RERE: variants seen among roughly 807,000 people sequenced by gnomAD.
RERE encodes arginine-glutamic acid dipeptide repeats protein.
A neutral mutation model predicts 146.1 loss-of-function variants in RERE; 40 were observed. That is an observed-to-expected ratio of 0.27 (90% confidence interval 0.21 to 0.36). The LOEUF (loss-of-function observed/expected upper bound fraction) is 0.36, where lower values mean the gene tolerates loss of function less well. Among genes scored for constraint, RERE ranks in the 10% least tolerant of loss-of-function variants. The probability of loss-of-function intolerance (pLI) is 1.00; values close to 1 mark genes in which losing one functional copy is unlikely to be tolerated. For missense variants in RERE, 1,933 were observed against 2,138.7 expected, an observed-to-expected ratio of 0.90 and a Z score of 1.90; for synonymous variants, 1,003 against 866.0, an observed-to-expected ratio of 1.16 and a Z score of -2.78.
chr1:8,664,268 C>A (rs1373350211), intron 1 of RERE, among the ~76,000 whole-genome samples: 1 of 152,172 alleles, frequency 6.6e-6, no homozygotes, highest in African/African-American at 2.4e-5. Context: ...TTTCTAGACA[C>A]GATCCTCTCC....
chr1:8,505,888 C>T (rs529755355), intron 8 of RERE, among the ~76,000 whole-genome samples: 1 of 151,972 alleles, frequency 6.6e-6, no homozygotes. Context: ...TTTGGTGCTC[C>T]AAAACATTTC....
intron 4 of RERE, among the ~76,000 whole-genome samples, chr1:8,601,816 C>T (rs550104140): frequency 1.3e-5 from 2 of 151,700 alleles, no homozygotes; most frequent in South Asian, 4.2e-4. Flanking sequence ...TAGAGAGAAC[C>T]GAAGGCATTT....
chr1:8,551,727 T>C (rs755104285), intron 6 of RERE, among the ~76,000 whole-genome samples: 2 of 152,182 alleles, frequency 1.3e-5, no homozygotes, highest in Non-Finnish European at 2.9e-5. Flanking sequence ...TGGAACCAGA[T>C]GTGTGTGTTT....
intron 11 of RERE, among the ~76,000 whole-genome samples, chr1:8,450,545 G>T (rs1056245864): frequency 6.6e-6 from 1 of 151,990 alleles, no homozygotes; most frequent in Non-Finnish European, 1.5e-5. Flanking sequence ...TGCCTCGCAC[G>T]ACGTCCCCTA....
intron 11 of RERE, 157 bp downstream of exon 11, chr1:8,465,768 G>A (rs1317578871): frequency 1.4e-6 from 1 of 698,124 alleles, no homozygotes; most frequent in Non-Finnish European, 2.6e-6. Flanking sequence ...GTACAATTAA[G>A]GGGCTGAAGG....
At position 8,360,787 on chromosome 1, in the gene RERE, A is replaced by G. The variant is rs769674978; in HGVS notation, c.2720T>C (p.Leu907Pro). 63 of 1,590,172 alleles carry G rather than the reference A, an allele frequency of 4.0e-5. No homozygotes were observed. The highest frequency in any genetic ancestry group is 3.4e-4 in the Middle Eastern group (2 of 5,816). ...SLQLPASQSA[L>P]QSQQPPREQP... ...CTCCCGTGGAGGCTGTTGGGACTGC[A>G]GCGCTGACTGAGAGGCTGGCAGCTG... Residue 907 changes from leucine to proline, a missense_variant, in exon 18 of 23, where the codon CTG (leucine) becomes CCG (proline). Around this residue, in one of 11 missense-constraint regions of RERE, gnomAD observed 1,255 missense variants for 1,153.8 expected, o/e 1.09. Transcript: ENST00000400908.
intron 4 of RERE, among the ~76,000 whole-genome samples, chr1:8,564,800 G>A (rs1277256162): frequency 7.0e-6 from 1 of 143,812 alleles, no homozygotes; most frequent in African/African-American, 2.6e-5. Context: ...AGAAAATGTG[G>A]TGTGTGTGTA....
chr1:8,677,241 C>T (rs1164059874), intron 1 of RERE, among the ~76,000 whole-genome samples: 4 of 152,006 alleles, frequency 2.6e-5, no homozygotes, highest in African/African-American at 9.7e-5. Flanking sequence ...ACCAGCCTGG[C>T]CAACATGGTA....
chr1:8,797,128 C>G (rs1158612924), intron 1 of RERE, among the ~76,000 whole-genome samples: 1 of 151,988 alleles, frequency 6.6e-6, no homozygotes, highest in Non-Finnish European at 1.5e-5. Context: ...CATCCCAGCA[C>G]TTTGGGAGCC....
At chr1:8,367,885 G>C (rs1163494609) in intron 12 of RERE, among the ~76,000 whole-genome samples, 2 of 152,212 alleles carry the variant, frequency 1.3e-5, no homozygotes, top group African/African-American at 4.8e-5. Context: ...GTGTTGGCTA[G>C]ACGGAAAAGA....
chr1:8,696,486 C>T (rs1022535780), intron 1 of RERE, among the ~76,000 whole-genome samples: 1 of 152,188 alleles, frequency 6.6e-6, no homozygotes, highest in Non-Finnish European at 1.5e-5. Flanking sequence ...TGGTGGCACA[C>T]ATCTGTAGTC....
At chr1:8,524,460 A>T (rs567620903) in intron 7 of RERE, among the ~76,000 whole-genome samples, 223 of 152,232 alleles carry the variant, frequency 1.5e-3, no homozygotes, top group Non-Finnish European at 2.7e-3. Flanking sequence ...CCAAATTCAC[A>T]CTACACCACT....
intron 12 of RERE, among the ~76,000 whole-genome samples, chr1:8,419,078 C>A (rs964372390): frequency 2.6e-5 from 4 of 152,080 alleles, no homozygotes; most frequent in Non-Finnish European, 4.4e-5. Context: ...CTACATTTCA[C>A]CTACTAATTA....
At chr1:8,621,218 G>A (rs1038723723) in intron 3 of RERE, among the ~76,000 whole-genome samples, 4 of 152,110 alleles carry the variant, frequency 2.6e-5, no homozygotes, top group African/African-American at 7.2e-5. Context: ...AGGACATAGA[G>A]GCAGCTGTGT....
chr1:8,728,656 A>C (rs1031754934), intron 1 of RERE, among the ~76,000 whole-genome samples: 4 of 152,214 alleles, frequency 2.6e-5, no homozygotes, highest in Non-Finnish European at 5.9e-5. Flanking sequence ...CATAACACCA[A>C]AAAGCATCCC....
chr1:8,378,321 G>A (rs1026309290), intron 12 of RERE, among the ~76,000 whole-genome samples: 4 of 152,278 alleles, frequency 2.6e-5, no homozygotes, highest in South Asian at 4.1e-4. Context: ...TTGTGTAAAC[G>A]TGCAACCAGA....
chr1:8,565,270 G>T (rs1022943333), intron 4 of RERE, among the ~76,000 whole-genome samples: 1 of 152,050 alleles, frequency 6.6e-6, no homozygotes, highest in East Asian at 1.9e-4. Flanking sequence ...ATTCTACATT[G>T]TATTAATGAA....
intron 1 of RERE, among the ~76,000 whole-genome samples, chr1:8,754,124 G>A (rs188546180): frequency 2.9e-4 from 44 of 152,212 alleles, no homozygotes; most frequent in Admixed American, 2.2e-3. Context: ...GTCTTGTAAA[G>A]GTTGAAATCC....
intron 16 of RERE, 138 bp from the exon 17 acceptor site, chr1:8,362,014 G>T: frequency 1.6e-6 from 1 of 626,864 alleles, no homozygotes; most frequent in Non-Finnish European, 2.8e-6. Flanking sequence ...CTCTAGAAGG[G>T]TCAACTGGGG....
Sources: allele counts gnomAD v4.1 joint callset (sites outside exome capture counted in the v4.1 genomes callset), GRCh38; gene constraint gnomAD v4.1.1; regional missense constraint gnomAD v4.1.1; transcripts MANE v1.5; gene names NCBI Gene and HGNC (gene_info 2026-07-23, HGNC 2026-07-21).